Variants in SEL1L3 observed in about 807,000 individuals in gnomAD.
SEL1L3 encodes the protein SEL1L family member 3, also known as protein sel-1 homolog 3.
SEL1L3 carries 76 observed loss-of-function variants against 142.8 expected under a neutral mutation model. That is an observed-to-expected ratio of 0.53 (90% CI 0.44 to 0.64). The LOEUF is 0.64. Among genes scored for constraint, SEL1L3 ranks in the 30% least tolerant of loss-of-function variants. The probability of loss-of-function intolerance (pLI) is 0.00; values close to 1 mark genes in which losing one functional copy is unlikely to be tolerated. For missense variants in SEL1L3, 1,262 were observed against 1,381.7 expected (o/e 0.91, Z 1.37); for synonymous variants, 504 against 519.6 (o/e 0.97, Z 0.41).
intron 9 of SEL1L3, among the ~76,000 whole-genome samples, chr4:25,812,179 C>T (rs1019889565): frequency 6.6e-6 from 1 of 152,178 alleles, no homozygotes; most frequent in Non-Finnish European, 1.5e-5. Context: ...CCACACATGG[C>T]GTGTTTGTGC....
At position 25,782,268 on chromosome 4, in the gene SEL1L3, A is replaced by G; in HGVS notation, c.2431T>C (p.Phe811Leu). The change falls in exon 15 of 24, where the codon TTC becomes CTC. Residue 811 changes from phenylalanine to leucine, a missense_variant. By Grantham distance (22) the Phe-to-Leu change is conservative. Around this residue, in one of 3 missense-constraint regions of SEL1L3, gnomAD observed 435 missense variants for 559.2 expected, o/e 0.78. Coordinates refer to ENST00000399878, the MANE Select transcript of SEL1L3 (RefSeq NM_015187.5). ...TGATTCCTTCCAGGAACTCCAGGGAAGATGCCATCCAAATGCAGGACTCCA... is the reference window on the plus strand; with the variant it reads ...TGATTCCTTCCAGGAACTCCAGGGAGGATGCCATCCAAATGCAGGACTCCA... Reference protein sequence around the residue: ...NLGVLHLDGIFPGVPGRNQTL... With the variant: ...NLGVLHLDGILPGVPGRNQTL... The G allele has an allele frequency of 6.2e-7, 1 of 1,613,872 alleles. No homozygotes were observed. Among genetic ancestry groups the G allele is most frequent in the Non-Finnish European group, 8.5e-7 (1 of 1,179,778 alleles).
intron 23 of SEL1L3, among the ~76,000 whole-genome samples, chr4:25,752,123 A>AAAAAG (rs1717637720): frequency 6.7e-6 from 1 of 150,148 alleles, no homozygotes; most frequent in Non-Finnish European, 1.5e-5. Context: ...AAAAAAAAAA[A>AAAAAG]ATAGTTGAAT....
chr4:25,756,717 T>C (rs1717986005), intron 23 of SEL1L3: 1 of 1,106,574 alleles, frequency 9.0e-7, no homozygotes, highest in African/African-American at 1.6e-5. Flanking sequence ...GTGGAAACCA[T>C]GCTCAGCTAA....
At chr4:25,791,002 G>C (rs1423410211) in intron 11 of SEL1L3, among the ~76,000 whole-genome samples, 1 of 152,226 alleles carries the variant, frequency 6.6e-6, no homozygotes, top group Non-Finnish European at 1.5e-5. Context: ...CTAAACGGTT[G>C]TTTGTTCCTA....
chr4:25,852,494 A>T (rs1170439852), intron 1 of SEL1L3, among the ~76,000 whole-genome samples: 1 of 152,208 alleles, frequency 6.6e-6, no homozygotes, highest in African/African-American at 2.4e-5. Flanking sequence ...CAAGATGCAA[A>T]TCACAGTGTT....
At chr4:25,738,931 C>A in the SEL1L3 span, among the ~76,000 whole-genome samples, 5 of 152,090 alleles carry the variant, frequency 3.3e-5, no homozygotes, top group Non-Finnish European at 5.9e-5. Flanking sequence ...GTTGGCTGGG[C>A]ACAGTGGCTC....
At chr4:25,776,730 G>T in intron 16 of SEL1L3, 1 of 164,686 alleles carries the variant, frequency 6.1e-6, no homozygotes. Context: ...ATTTATTAGG[G>T]GTTTATTAGT....
chr4:25,739,187 C>A, the SEL1L3 span, among the ~76,000 whole-genome samples: 1 of 150,928 alleles, frequency 6.6e-6, no homozygotes, highest in Non-Finnish European at 1.5e-5. Context: ...CCAGCCTGGG[C>A]GACAGAGCGA....
intron 11 of SEL1L3, among the ~76,000 whole-genome samples, chr4:25,797,188 A>T (rs1329316069): frequency 7.5e-6 from 1 of 134,056 alleles, no homozygotes; most frequent in Admixed American, 7.2e-5. Context: ...GGAAGAAAGG[A>T]AGACCAAAAA....
chr4:25,811,303 G>A (rs1714003131), intron 9 of SEL1L3, among the ~76,000 whole-genome samples: 1 of 152,226 alleles, frequency 6.6e-6, no homozygotes, highest in Non-Finnish European at 1.5e-5. Context: ...GTCTACTGCT[G>A]TTGACAGCGG....
chr4:25,844,922 A>G (rs1716411788), intron 2 of SEL1L3, among the ~76,000 whole-genome samples: 1 of 151,718 alleles, frequency 6.6e-6, no homozygotes, highest in Admixed American at 6.6e-5. Flanking sequence ...GCACACACAC[A>G]GAAAGGGAAT....
At position 25,830,123 on chromosome 4, in the gene SEL1L3, T is replaced by C. The variant is rs778338417; in HGVS notation, c.1132A>G (p.Lys378Glu). ...CTAATGGTCTGATTGTGGTAGCTTT[T>C]CAAATCCTGTCCAATGCTAGTGGTT... The part of the protein sequence containing the change: ...VVTTSIGQDL[K>E]SYHNQTISFR... The change falls in exon 6 of 24, where the codon AAA (lysine) becomes GAA (glutamate). Residue 378 changes from lysine to glutamate, a missense_variant. By Grantham distance (56) the Lys-to-Glu change is moderately conservative. This residue lies in a region of SEL1L3 where 689 missense variants were observed against 692.8 expected (regional missense o/e 0.99). Coordinates refer to ENST00000399878, the MANE Select transcript of SEL1L3 (RefSeq NM_015187.5). The C allele has an allele frequency of 3.9e-5, 63 of 1,611,408 alleles. No individual in the cohort carries two copies. The highest frequency in any genetic ancestry group is 5.3e-5 in the Non-Finnish European group (62 of 1,177,786).
At chr4:25,774,934 C>T (rs1719503921) in intron 17 of SEL1L3, among the ~76,000 whole-genome samples, 1 of 150,892 alleles carries the variant, frequency 6.6e-6, no homozygotes, top group African/African-American at 2.4e-5. Context: ...ATCATGGGGG[C>T]AGGGGTGGGT....
intron 23 of SEL1L3, among the ~76,000 whole-genome samples, chr4:25,753,996 A>AATAG (rs1361729224): frequency 6.7e-6 from 1 of 150,186 alleles, no homozygotes; most frequent in Non-Finnish European, 1.5e-5. Flanking sequence ...TAAATAAATA[A>AATAG]ATAAATAAAT....
rs1187875830 is a variant in SEL1L3, at chr4:25,819,851, C to T, written c.1380G>A (p.Val460=). The T allele has an allele frequency of 6.2e-6, 10 of 1,613,610 alleles. No individual in the cohort carries two copies. In the South Asian group the frequency reaches 7.7e-5, roughly 12 times the overall value. ...CCCCGTGCTTTGCTGCAGATGCATA[C>T]ACAGATACTATTTCTTGAACCTCAG... ...RCAEVQEIVS[V]YASAAKHGGE... The change falls in exon 8 of 24, where the codon GTG becomes GTA. Residue 460 remains valine (V), a synonymous_variant. Coordinates refer to ENST00000399878, the MANE Select transcript of SEL1L3 (RefSeq NM_015187.5).
chr4:25,835,374 T>C, intron 2 of SEL1L3, 51 bp from the exon 3 acceptor site: 2 of 1,598,248 alleles, frequency 1.3e-6, no homozygotes, highest in Non-Finnish European at 1.7e-6. Context: ...AAAACATTCC[T>C]TCCCAAACCA....
In SEL1L3 at chr4:25,818,214, G is replaced by A. The variant is rs1367434395; in HGVS notation, c.1488C>T (p.Ala496=). The part of the protein sequence containing the change: ...RRYGRPSMCR[A]FPWEKELKDK... ...CTTTCAGCTCCTTCTCCCAGGGGAA[G>A]GCTCTGCACATCGAGGGTCTCCCAT... The change falls in exon 9 of 24, where the codon GCC becomes GCT. Residue 496 remains alanine (A), a synonymous_variant. Coordinates refer to ENST00000399878, the MANE Select transcript of SEL1L3 (RefSeq NM_015187.5). 3 of 1,605,736 alleles carry A rather than the reference G, an allele frequency of 1.9e-6. No homozygotes were observed. In the African/African-American group the frequency reaches 4.0e-5, roughly 21 times the overall value.
intron 2 of SEL1L3, among the ~76,000 whole-genome samples, chr4:25,841,090 TGG>T (rs139099324): frequency 0.012 from 1,780 of 152,106 alleles, 28 homozygotes; most frequent in African/African-American, 0.041. Context: ...TGGAGTGCAG[TGG>T]CACCATTTTG....
At chr4:25,837,246 T>C (rs1039805588) in intron 2 of SEL1L3, among the ~76,000 whole-genome samples, 8 of 149,888 alleles carry the variant, frequency 5.3e-5, no homozygotes, top group African/African-American at 2.0e-4. Context: ...GCTTCCACTA[T>C]GTTGAGTGGA....
Sources: gnomAD v4.1 joint callset for allele counts (sites outside exome capture counted in the v4.1 genomes callset) on GRCh38, gnomAD v4.1.1 for gene constraint, gnomAD v4.1.1 regional missense constraint, MANE v1.5 for transcripts, NCBI Gene and HGNC (gene_info 2026-07-23, HGNC 2026-07-21) for gene names.